Variants in SHCBP1L observed in about 807,000 individuals in gnomAD.
SHCBP1L encodes the protein SHC binding and spindle associated 1 like.
In SHCBP1L, 67 loss-of-function variants were observed where a neutral mutation model predicts 62.5. The observed-to-expected ratio is 1.07, with a 90% CI of 0.88 to 1.31. The LOEUF (loss-of-function observed/expected upper bound fraction) is 1.31. Ranked by LOEUF, SHCBP1L falls within the 40% of genes most tolerant of loss-of-function variation. SHCBP1L has a pLI of 0.00. For synonymous variants in SHCBP1L, 284 were observed against 289.4 expected (o/e 0.98, Z 0.19); for missense variants, 823 against 809.8 (o/e 1.02, Z -0.20).
intron 2 of SHCBP1L, among the ~76,000 whole-genome samples, chr1:182,946,375 C>T (rs1371421985): frequency 6.6e-6 from 1 of 151,960 alleles, no homozygotes; most frequent in Non-Finnish European, 1.5e-5. Flanking sequence ...TCCACCCAGG[C>T]TCTTTCTGTG....
In SHCBP1L at chr1:182,939,503, T is replaced by G. The variant is rs768838268; in HGVS notation, c.821A>C (p.Glu274Ala). ...TTCTTCAATAAGTGCAGTATAATTC[T>G]CACAACTTTCTTCATCATCCCAGTC... The part of the protein sequence containing the change: ...WRDWDDEESC[E>A]NYTALIEERI... The change falls in exon 4 of 10, where the codon GAG becomes GCG. Residue 274 changes from glutamate to alanine, a missense_variant. Transcript: ENST00000367547. 1 of 1,609,180 alleles carries G rather than the reference T, an allele frequency of 6.2e-7. No individual in the cohort carries two copies. Among genetic ancestry groups the G allele is most frequent in the Non-Finnish European group, 8.5e-7 (1 of 1,177,914 alleles).
chr1:182,919,543 A>C (rs1034715542), intron 6 of SHCBP1L, among the ~76,000 whole-genome samples: 2 of 152,126 alleles, frequency 1.3e-5, no homozygotes, highest in African/African-American at 4.8e-5. Context: ...TGGGGCAAAA[A>C]CATCCAAACC....
At chr1:182,906,201 G>T (rs1650006986) in intron 6 of SHCBP1L, among the ~76,000 whole-genome samples, 1 of 152,018 alleles carries the variant, frequency 6.6e-6, no homozygotes, top group Non-Finnish European at 1.5e-5. Flanking sequence ...CTCCCAAACT[G>T]CTGGGATTAC....
At chr1:182,917,481 T>C (rs1412923402) in intron 6 of SHCBP1L, among the ~76,000 whole-genome samples, 2 of 152,188 alleles carry the variant, frequency 1.3e-5, no homozygotes, top group Non-Finnish European at 2.9e-5. Context: ...TGACTTCAAG[T>C]GATCCACCCA....
At position 182,939,510 on chromosome 1, in the gene SHCBP1L, TTTC is replaced by T. The variant is rs1273879433; in HGVS notation, c.811_813del (p.Glu271del). Reference sequence around the variant, plus strand: ...ATAAGTGCAGTATAATTCTCACAACTTTCTTCATCATCCCAGTCTCTCCAAAGA... The same window carrying T: ...ATAAGTGCAGTATAATTCTCACAACTTTCATCATCCCAGTCTCTCCAAAGA... On this transcript the variant is annotated inframe_deletion, in exon 4 of 10. Transcript: ENST00000367547. The T allele has an allele frequency of 1.2e-6, 2 of 1,608,936 alleles. No homozygotes were observed. Among genetic ancestry groups the T allele is most frequent in the Non-Finnish European group, 1.7e-6 (2 of 1,177,888 alleles).
intron 6 of SHCBP1L, among the ~76,000 whole-genome samples, chr1:182,917,556 T>C (rs575482219): frequency 6.6e-6 from 1 of 152,270 alleles, no homozygotes; most frequent in South Asian, 2.1e-4. Context: ...AAATTTATTT[T>C]CTTACAGTTC....
chr1:182,932,468 A>ATTATTTACTTAT (rs774122504), intron 5 of SHCBP1L, among the ~76,000 whole-genome samples: 2,655 of 151,148 alleles, frequency 0.018, 81 homozygotes, highest in African/African-American at 0.062. Context: ...ATGGAATTTT[A>ATTATTTACTTAT]TTATTTATTT....
At chr1:182,936,027 T>C (rs963431776) in intron 5 of SHCBP1L, among the ~76,000 whole-genome samples, 6 of 152,130 alleles carry the variant, frequency 3.9e-5, no homozygotes, top group Non-Finnish European at 7.4e-5. Flanking sequence ...ATTTACCATA[T>C]TGTAGCTGGT....
chr1:182,941,026 G>C (rs371301703), intron 2 of SHCBP1L, among the ~76,000 whole-genome samples: 1 of 151,758 alleles, frequency 6.6e-6, no homozygotes, highest in African/African-American at 2.4e-5. Context: ...TAATATTATC[G>C]AAAAATTTTT....
intron 9 of SHCBP1L, 94 bp from the exon 10 acceptor site, chr1:182,900,328 G>T: frequency 9.3e-7 from 1 of 1,078,738 alleles, no homozygotes; most frequent in Non-Finnish European, 1.3e-6. Context: ...TTTATTCTTG[G>T]ATTAACAGAT....
intron 7 of SHCBP1L, 136 bp downstream of exon 7, chr1:182,905,360 T>C: frequency 1.1e-6 from 1 of 924,252 alleles, no homozygotes; most frequent in East Asian, 2.9e-5. Flanking sequence ...GTCTTAATTA[T>C]AAAATGAACA....
In SHCBP1L at chr1:182,924,795, A is replaced by AG. The variant is rs1248794171; in HGVS notation, c.1182+4851dup. Among the ~76,000 whole-genome samples, 103 of 131,614 alleles carry AG rather than the reference A, an allele frequency of 7.8e-4. 6 individuals are homozygous for AG. The highest frequency in any genetic ancestry group is 3.0e-3 in the African/African-American group (95 of 31,686). 86.3% of individuals were successfully genotyped at this position (131,614 alleles called of 152,430 possible). On this transcript the variant is annotated intron_variant, in intron 6 of 9. Coordinates refer to ENST00000367547, the MANE Select transcript of SHCBP1L (RefSeq NM_030933.4). ...AAGAAAGAAAGAAAGAAAGAGAGAA[A>AG]GAAAGGAAGGAAGGAAGGAGGGAAG...
intron 2 of SHCBP1L, among the ~76,000 whole-genome samples, chr1:182,949,229 G>A (rs1360521807): frequency 6.6e-6 from 1 of 150,460 alleles, no homozygotes; most frequent in East Asian, 2.0e-4. Context: ...CTGCTTTAAT[G>A]TTAAGCTTCC....
rs116605290 is a variant in SHCBP1L, at chr1:182,933,736, G to A, written c.1077-3984C>T. Among the ~76,000 whole-genome samples, 684 of 152,142 alleles carry A rather than the reference G, an allele frequency of 4.5e-3. 8 individuals carry two copies. The highest frequency in any genetic ancestry group is 0.016 in the African/African-American group (658 of 41,526). ...TTTTATATGTTGCTGGACTCCATTT[G>A]TTAGTATTTTGTTGAGGATTTTGTA... On this transcript the variant is annotated intron_variant, in intron 5 of 9. Coordinates refer to ENST00000367547, the MANE Select transcript of SHCBP1L (RefSeq NM_030933.4).
chr1:182,938,064 T>C (rs1469796981), intron 5 of SHCBP1L, among the ~76,000 whole-genome samples: 1 of 152,146 alleles, frequency 6.6e-6, no homozygotes, highest in African/African-American at 2.4e-5. Flanking sequence ...AGCTTCAAAT[T>C]CCTCTAGTTT....
chr1:182,943,438 T>C (rs888769615), intron 2 of SHCBP1L, among the ~76,000 whole-genome samples: 1 of 148,648 alleles, frequency 6.7e-6, no homozygotes, highest in African/African-American at 2.5e-5. Context: ...TTTTTGTTTG[T>C]TTGTGTTTGT....
At chr1:182,920,280 C>G (rs2101932229) in intron 6 of SHCBP1L, among the ~76,000 whole-genome samples, 1 of 152,280 alleles carries the variant, frequency 6.6e-6, no homozygotes, top group South Asian at 2.1e-4. Flanking sequence ...GTACCAGCCC[C>G]CCAGGGTTGC....
At chr1:182,931,485 A>T (rs1650994168) in intron 5 of SHCBP1L, among the ~76,000 whole-genome samples, 1 of 152,210 alleles carries the variant, frequency 6.6e-6, no homozygotes, top group African/African-American at 2.4e-5. Flanking sequence ...ACAATAATAA[A>T]GATATAAAAA....
rs560891700 is a variant in SHCBP1L at position 182,926,942 on chromosome 1, A to G, written c.1182+2705T>C. 7.2e-4 allele frequency among the ~76,000 whole-genome samples: 109 copies of G among 151,256 alleles called. 1 individual carries two copies. The highest frequency in any genetic ancestry group is 2.6e-3 in the African/African-American group (106 of 41,306). ...ATTATCCCAATTTTACATATGAGAAACTAAACTACAGATGGGTTAAATAAT... is the reference window on the plus strand; with the variant it reads ...ATTATCCCAATTTTACATATGAGAAGCTAAACTACAGATGGGTTAAATAAT... On this transcript the variant is annotated intron_variant, in intron 6 of 9. Coordinates refer to ENST00000367547, the MANE Select transcript of SHCBP1L (RefSeq NM_030933.4).
Sources: allele counts gnomAD v4.1 joint callset (sites outside exome capture counted in the v4.1 genomes callset), GRCh38; gene constraint gnomAD v4.1.1; transcripts MANE v1.5; gene names NCBI Gene and HGNC (gene_info 2026-07-23, HGNC 2026-07-21).